The following FSTL4 variants were observed in gnomAD, a reference collection of about 807,000 sequenced individuals.
The protein encoded by FSTL4 is follistatin like 4, also known as follistatin-related protein 4.
FSTL4 carries 28 observed loss-of-function variants against 78.2 expected under a neutral mutation model. The ratio of observed to expected loss-of-function variants is 0.36; its 90% CI spans 0.27 to 0.49. FSTL4 has a LOEUF of 0.49. FSTL4 is among the 20% of genes least tolerant of loss of function. The pLI, the probability that FSTL4 is intolerant of heterozygous loss-of-function variation, is 0.98. For synonymous variants in FSTL4, 422 were observed against 440.5 expected (o/e 0.96, Z 0.53); for missense variants, 922 against 1,084.9 (o/e 0.85, Z 2.11).
the FSTL4 span, among the ~76,000 whole-genome samples, chr5:133,788,890 G>A: frequency 1.1e-4 from 17 of 152,216 alleles, no homozygotes; most frequent in South Asian, 6.2e-4. Flanking sequence ...CAGACAACTC[G>A]TTTTTATTGG....
At chr5:133,746,841 T>C in the FSTL4 span, among the ~76,000 whole-genome samples, 3 of 152,210 alleles carry the variant, frequency 2.0e-5, no homozygotes, top group South Asian at 2.1e-4. Flanking sequence ...TAGCCAATCA[T>C]TGCCCACTGC....
intron 3 of FSTL4, among the ~76,000 whole-genome samples, chr5:133,422,352 G>A (rs1413002380): frequency 6.6e-6 from 1 of 152,114 alleles, no homozygotes; most frequent in Non-Finnish European, 1.5e-5. Flanking sequence ...AGGAGAAGCA[G>A]GGAGGCAGCC....
chr5:133,532,242 C>T (rs1043240329), intron 3 of FSTL4, among the ~76,000 whole-genome samples: 1 of 152,148 alleles, frequency 6.6e-6, no homozygotes, highest in African/African-American at 2.4e-5. Flanking sequence ...ATAGATTCTC[C>T]CTTAGAGCAT....
chr5:133,431,696 T>G (rs1182789687), intron 3 of FSTL4, among the ~76,000 whole-genome samples: 1 of 152,212 alleles, frequency 6.6e-6, no homozygotes, highest in Non-Finnish European at 1.5e-5. Context: ...CTGTCTTAAT[T>G]CCTTATTCAC....
the FSTL4 span, among the ~76,000 whole-genome samples, chr5:133,781,301 C>A: frequency 6.6e-5 from 10 of 151,876 alleles, no homozygotes; most frequent in Admixed American, 6.6e-4. Context: ...GCTGCCCCTG[C>A]CTAGAGGTAG....
chr5:133,294,427 G>T (rs1753340816), intron 6 of FSTL4, among the ~76,000 whole-genome samples: 1 of 152,142 alleles, frequency 6.6e-6, no homozygotes, highest in African/African-American at 2.4e-5. Flanking sequence ...CTGCTCTCAG[G>T]GAGAAAGGGA....
chr5:133,801,841 A>T, the FSTL4 span, among the ~76,000 whole-genome samples: 1 of 152,210 alleles, frequency 6.6e-6, no homozygotes, highest in Non-Finnish European at 1.5e-5. Flanking sequence ...TGGAGGTGGC[A>T]AGTGGAGACC....
chr5:133,372,232 T>C (rs1278514395), intron 4 of FSTL4, among the ~76,000 whole-genome samples: 11 of 121,522 alleles, frequency 9.1e-5, no homozygotes, highest in African/African-American at 2.5e-4. Flanking sequence ...TATGTATCTA[T>C]GTATCTATGT....
At chr5:133,451,660 G>A (rs543327692) in intron 3 of FSTL4, among the ~76,000 whole-genome samples, 1 of 152,202 alleles carries the variant, frequency 6.6e-6, no homozygotes, top group Non-Finnish European at 1.5e-5. Flanking sequence ...ACCTCTGTCT[G>A]TACTTGGGCT....
intron 4 of FSTL4, among the ~76,000 whole-genome samples, chr5:133,322,458 C>T (rs565026982): frequency 6.6e-6 from 1 of 152,110 alleles, no homozygotes; most frequent in Admixed American, 6.5e-5. Flanking sequence ...TAGGGGCAAG[C>T]AGCATATTTG....
rs1756807849 is a variant in FSTL4 at position 133,426,065 on chromosome 5, C to G, written c.161-25079G>C. Among the ~76,000 whole-genome samples the G allele has an allele frequency of 6.6e-6, 1 of 152,232 alleles. No homozygotes were observed. Among genetic ancestry groups the G allele is most frequent in the African/African-American group, 2.4e-5 (1 of 41,462 alleles). ...CTTCTCTTCTTCCACATATGGGGAG[C>G]TGGAAGTGGACCAGTCTTGACTTCC... On this transcript the variant is annotated intron_variant, in intron 3 of 15. Coordinates refer to ENST00000265342, the MANE Select transcript of FSTL4 (RefSeq NM_015082.2). This position sits in a 1 kb window ranked among gnomAD's most constrained non-coding sequence, Gnocchi z 5.0.
chr5:133,628,281 G>A, the FSTL4 span, among the ~76,000 whole-genome samples: 1 of 151,734 alleles, frequency 6.6e-6, no homozygotes, highest in Non-Finnish European at 1.5e-5. Context: ...AACTGAAAGA[G>A]ACAGAGACAC....
chr5:133,573,771 T>C (rs1047133590), intron 2 of FSTL4, among the ~76,000 whole-genome samples: 3 of 152,218 alleles, frequency 2.0e-5, no homozygotes, highest in African/African-American at 7.2e-5. Context: ...TAGCACTTCA[T>C]TTCAAGTGTC....
At chr5:133,299,682 C>T (rs2126876436) in intron 6 of FSTL4, among the ~76,000 whole-genome samples, 1 of 152,316 alleles carries the variant, frequency 6.6e-6, no homozygotes, top group Non-Finnish European at 1.5e-5. Context: ...AACTGCTTCT[C>T]CAACCAGCAG....
chr5:133,494,601 C>T (rs981287519), intron 3 of FSTL4, among the ~76,000 whole-genome samples: 6 of 152,216 alleles, frequency 3.9e-5, no homozygotes, highest in South Asian at 2.1e-4. Flanking sequence ...TCAACAACTG[C>T]GTCTTTTGAC....
chr5:133,831,959 G>A, the FSTL4 span, among the ~76,000 whole-genome samples: 4 of 152,188 alleles, frequency 2.6e-5, no homozygotes, highest in African/African-American at 7.2e-5. Flanking sequence ...ATAACTACAC[G>A]GTGGAGCTCC....
At chr5:133,459,352 C>A (rs538099911) in intron 3 of FSTL4, among the ~76,000 whole-genome samples, 2 of 152,116 alleles carry the variant, frequency 1.3e-5, no homozygotes, top group African/African-American at 2.4e-5. Flanking sequence ...TCAGCCACCA[C>A]CCATGAAGAG....
intron 4 of FSTL4, among the ~76,000 whole-genome samples, chr5:133,335,288 C>A (rs1441118699): frequency 2.0e-5 from 3 of 152,214 alleles, no homozygotes; most frequent in African/African-American, 7.2e-5. Context: ...GAGCCTCTCA[C>A]AGGCCATGCC....
rs550195692 is a variant in FSTL4, at chr5:133,397,618, C to G, written c.409+3120G>C. Among the ~76,000 whole-genome samples the G allele has an allele frequency of 2.6e-5, 4 of 152,266 alleles. No homozygotes were observed. In the East Asian group the frequency reaches 5.8e-4, roughly 22 times the overall value. On this transcript the variant is annotated intron_variant, in intron 4 of 15. Coordinates refer to ENST00000265342, the MANE Select transcript of FSTL4 (RefSeq NM_015082.2). ...GGGTGGTGAAGGCTATGTGTCCCCC[C>G]ACCAGTCCTCAGGAGAACCCCCTCC... is the stretch of plus-strand genomic sequence containing the variant.
Sources: gnomAD v4.1 joint callset for allele counts (sites outside exome capture counted in the v4.1 genomes callset) on GRCh38, gnomAD v4.1.1 for gene constraint, Gnocchi (gnomAD v3.1) non-coding constraint, MANE v1.5 for transcripts, NCBI Gene and HGNC (gene_info 2026-07-23, HGNC 2026-07-21) for gene names.